The following SVEP1 variants were observed in gnomAD, a reference collection of about 807,000 sequenced individuals.
SVEP1 encodes the protein sushi, von Willebrand factor type A, EGF and pentraxin domain containing 1.
In SVEP1, 164 loss-of-function variants were observed where a neutral mutation model predicts 367.3. The observed-to-expected ratio is 0.45, with a 90% confidence interval of 0.39 to 0.51. The LOEUF (loss-of-function observed/expected upper bound fraction) is 0.51. Among genes scored for constraint, SVEP1 ranks in the 20% least tolerant of loss-of-function variants. The pLI is 0.00. For synonymous variants in SVEP1, 1,666 were observed against 1,611.6 expected, an observed-to-expected ratio of 1.03 and a Z score of -0.81; for missense variants, 4,117 against 4,425.3, an observed-to-expected ratio of 0.93 and a Z score of 1.98.
At position 110,375,795 on chromosome 9, in the gene SVEP1, A is replaced by G. The variant is rs552656888; in HGVS notation, c.10505-332T>C. ...AAGCAGAACGGTCTCCATTTATTAT[A>G]GTTTCAAATTTCCATTACAAATTAC... is the stretch of plus-strand genomic sequence containing the variant. On this transcript the variant is annotated intron_variant, in intron 45 of 47. Transcript: ENST00000374469. 8.9e-4 allele frequency among the ~76,000 whole-genome samples: 132 copies of G among 148,836 alleles called. 1 individual carries two copies. The highest frequency in any genetic ancestry group is 3.4e-3 in the Middle Eastern group (1 of 292).
At chr9:110,390,275 T>TTATATAAGTATGTTTATATATACG (rs1564127458) in intron 40 of SVEP1, among the ~76,000 whole-genome samples, 1 of 67,918 alleles carries the variant, frequency 1.5e-5, no homozygotes, top group Admixed American at 1.5e-4. Context: ...ATATATATAC[T>TTATATAAGTATGTTTATATATACG]TATATATATA....
chr9:110,515,739 C>T (rs983426922), intron 3 of SVEP1, among the ~76,000 whole-genome samples: 20 of 152,008 alleles, frequency 1.3e-4, no homozygotes, highest in Admixed American at 1.2e-3. Context: ...AAAATGGAGG[C>T]TTAGAGAGAT....
At chr9:110,439,455 G>A (rs756193939) in intron 27 of SVEP1, among the ~76,000 whole-genome samples, 15 of 152,104 alleles carry the variant, frequency 9.9e-5, no homozygotes, top group East Asian at 5.8e-4. Flanking sequence ...GTGCAGTGGC[G>A]CAATCTCACC....
intron 40 of SVEP1, among the ~76,000 whole-genome samples, chr9:110,395,281 C>A (rs62571895): frequency 1.3e-5 from 2 of 152,090 alleles, no homozygotes; most frequent in Non-Finnish European, 2.9e-5. Flanking sequence ...GAAATAAAAT[C>A]CTTTACAGAC....
At chr9:110,549,414 A>G (rs1830256226) in intron 2 of SVEP1, among the ~76,000 whole-genome samples, 1 of 152,180 alleles carries the variant, frequency 6.6e-6, no homozygotes, top group African/African-American at 2.4e-5. Flanking sequence ...GTATGTGTTA[A>G]GTATTTATTG....
At position 110,387,335 on chromosome 9, in the gene SVEP1, G is replaced by C. The variant is rs774690333; in HGVS notation, c.10010C>G (p.Ala3337Gly). 40 of 1,612,838 alleles carry C rather than the reference G, an allele frequency of 2.5e-5. No homozygotes were observed. The highest frequency in any genetic ancestry group is 3.1e-5 in the Non-Finnish European group (37 of 1,179,638). The part of the protein sequence containing the change: ...RGYSLEGPSE[A>G]HCTENGTWSH... ...CCAGGTTCCATTTTCTGTGCAGTGT[G>C]CCTCAGATGGCCCTTCAAGACTGTA... is the stretch of plus-strand genomic sequence containing the variant. The change falls in exon 42 of 48, where the codon GCA (alanine) becomes GGA (glycine). Residue 3337 changes from alanine (A) to glycine (G), a missense_variant. Physicochemically the swap from Ala to Gly is moderately conservative, Grantham distance 60. Transcript: ENST00000374469.
At chr9:110,552,117 C>T (rs938875512) in intron 1 of SVEP1, among the ~76,000 whole-genome samples, 39 of 150,008 alleles carry the variant, frequency 2.6e-4, no homozygotes, top group African/African-American at 8.6e-4. Context: ...CTGCAACCTC[C>T]GCCTCCCAGG....
intron 1 of SVEP1, among the ~76,000 whole-genome samples, chr9:110,570,735 C>T (rs1286395371): frequency 6.6e-6 from 1 of 152,048 alleles, no homozygotes; most frequent in Non-Finnish European, 1.5e-5. Context: ...CCTGCTTTGG[C>T]CTCCCAAAGT....
chr9:110,380,123 T>C (rs191700107), intron 43 of SVEP1, among the ~76,000 whole-genome samples: 38 of 152,326 alleles, frequency 2.5e-4, no homozygotes, highest in Admixed American at 4.6e-4. Context: ...TTTCTGCTTT[T>C]GGGATCTGTG....
At chr9:110,495,139 G>T (rs1362570790) in intron 8 of SVEP1, among the ~76,000 whole-genome samples, 1 of 151,982 alleles carries the variant, frequency 6.6e-6, no homozygotes, top group Non-Finnish European at 1.5e-5. Context: ...TCTTTTCCTT[G>T]TATATTCAAC....
chr9:110,395,770 T>A (rs1827748598), intron 40 of SVEP1, among the ~76,000 whole-genome samples: 1 of 151,690 alleles, frequency 6.6e-6, no homozygotes, highest in Admixed American at 6.6e-5. Context: ...CATTACATAA[T>A]GGTAAAGGGA....
At chr9:110,393,574 G>A (rs1827703217) in intron 40 of SVEP1, among the ~76,000 whole-genome samples, 1 of 152,204 alleles carries the variant, frequency 6.6e-6, no homozygotes, top group African/African-American at 2.4e-5. Flanking sequence ...CCTCACCCGG[G>A]AAGCACAAGG....
chr9:110,435,397 A>G (rs749334046), intron 28 of SVEP1, 33 bp from the exon 29 acceptor site: 5 of 1,606,866 alleles, frequency 3.1e-6, no homozygotes, highest in East Asian at 2.2e-5. Context: ...GATAAGCCTT[A>G]CTTGTTCCAT....
At chr9:110,383,233 G>C (rs188210028) in intron 43 of SVEP1, among the ~76,000 whole-genome samples, 3 of 151,004 alleles carry the variant, frequency 2.0e-5, no homozygotes, top group African/African-American at 7.3e-5. Flanking sequence ...CTGACCTTTA[G>C]ATGAGGCTTT....
In SVEP1 at chr9:110,466,022, C is replaced by T. The variant is rs776858444; in HGVS notation, c.3165G>A (p.Gln1055=). The T allele has an allele frequency of 8.7e-6, 14 of 1,611,544 alleles. No homozygotes were observed. The highest frequency in any genetic ancestry group is 1.2e-5 in the Non-Finnish European group (14 of 1,178,224). The change falls in exon 18 of 48, where the codon CAG becomes CAA. Residue 1055 remains glutamine, a synonymous_variant. Coordinates refer to ENST00000374469, the MANE Select transcript of SVEP1 (RefSeq NM_153366.4). ...HSRNISDCKA[Q]CKQGTYSYSG... is the part of the protein sequence containing the mutation. Reference sequence around the variant, plus strand: ...TGTATGAGTAGGTGCCTTGTTTACACTGAGCTGAAAAGAAAAAGGTAATAT... The same window carrying T: ...TGTATGAGTAGGTGCCTTGTTTACATTGAGCTGAAAAGAAAAAGGTAATAT...
chr9:110,490,741 T>C (rs1022373640), intron 8 of SVEP1, among the ~76,000 whole-genome samples: 2 of 152,110 alleles, frequency 1.3e-5, no homozygotes, highest in Non-Finnish European at 2.9e-5. Flanking sequence ...CATTTTCTGA[T>C]CTATATTAAA....
chr9:110,516,809 T>C (rs2118784164), intron 3 of SVEP1, among the ~76,000 whole-genome samples: 1 of 152,322 alleles, frequency 6.6e-6, no homozygotes, highest in Non-Finnish European at 1.5e-5. Context: ...GATACATTAA[T>C]GCAAAGATAT....
rs751258547 is a variant in SVEP1, at chr9:110,407,589, G to C, written c.8011C>G (p.His2671Asp). ...GTACCATACAGAAAGTTTGATGAAT[G>C]TGTAGCAGGAGACTCCTTTGTATTT... ...WENTKESPAT[H>D]SSNFLYGTMV... The change falls in exon 38 of 48, where the codon CAT (histidine) becomes GAT (aspartate). Residue 2671 changes from histidine (H) to aspartate (D), a missense_variant. Coordinates refer to ENST00000374469, the MANE Select transcript of SVEP1 (RefSeq NM_153366.4). 4 of 1,614,008 alleles carry C rather than the reference G, an allele frequency of 2.5e-6. No individual in the cohort carries two copies. Among genetic ancestry groups the C allele is most frequent in the Admixed American group, 1.7e-5 (1 of 60,032 alleles).
At chr9:110,484,292 A>G (rs1421227845) in intron 9 of SVEP1, among the ~76,000 whole-genome samples, 1 of 152,172 alleles carries the variant, frequency 6.6e-6, no homozygotes, top group Non-Finnish European at 1.5e-5. Flanking sequence ...GAAGACAAAG[A>G]AAAGAGTGGG....
Sources: gnomAD v4.1 joint callset for allele counts (sites outside exome capture counted in the v4.1 genomes callset) on GRCh38, gnomAD v4.1.1 for gene constraint, MANE v1.5 for transcripts, NCBI Gene and HGNC (gene_info 2026-07-23, HGNC 2026-07-21) for gene names.